The following RORA variants were observed in gnomAD, a reference collection of about 807,000 sequenced individuals.
RORA encodes the protein nuclear receptor ROR-alpha.
RORA carries 7 observed loss-of-function variants against 69.5 expected under a neutral mutation model. The ratio of observed to expected loss-of-function variants is 0.10; its 90% CI spans 0.06 to 0.19. The LOEUF is 0.19. Ranked by LOEUF, RORA falls within the 10% of genes least tolerant of loss-of-function variation. RORA has a pLI of 1.00. For missense variants in RORA, 457 were observed against 663.0 expected (o/e 0.69, Z 3.41); for synonymous variants, 261 against 240.8 (o/e 1.08, Z -0.78).
intron 2 of RORA, among the ~76,000 whole-genome samples, chr15:60,540,574 C>CCCCACCCCG (rs1555428642): frequency 9.7e-6 from 1 of 102,646 alleles, no homozygotes. Context: ...ACCCCCCCCC[C>CCCCACCCCG]CCAAAACTGT....
At chr15:60,514,248 T>C (rs2065792312) in intron 4 of RORA, among the ~76,000 whole-genome samples, 1 of 152,214 alleles carries the variant, frequency 6.6e-6, no homozygotes, top group African/African-American at 2.4e-5. Flanking sequence ...GTGGTTCACA[T>C]TTCCTGCAGG....
intron 1 of RORA, among the ~76,000 whole-genome samples, chr15:61,082,173 A>C (rs536316852): frequency 1.2e-4 from 19 of 152,170 alleles, no homozygotes; most frequent in Non-Finnish European, 1.5e-4. Flanking sequence ...TACACACGGC[A>C]GTCAACCAAA....
intron 1 of RORA, among the ~76,000 whole-genome samples, chr15:60,714,781 G>A (rs1159079350): frequency 1.3e-5 from 2 of 152,160 alleles, no homozygotes; most frequent in South Asian, 2.1e-4. Flanking sequence ...CTGATGTGAT[G>A]TGTGACCATC....
At chr15:60,585,627 G>A (rs2068312678) in intron 2 of RORA, among the ~76,000 whole-genome samples, 1 of 152,142 alleles carries the variant, frequency 6.6e-6, no homozygotes, top group African/African-American at 2.4e-5. Flanking sequence ...TTAGAATGGA[G>A]TTTGAAACTT....
rs5813042 is a variant in RORA, at chr15:60,838,893, CTTT to C, written c.167-160210_167-160208del. The stretch of plus-strand genomic sequence containing the variant: ...ACACACACACACACACACACATATA[CTTT>C]TTTTTTTTTTCAGAGGGTGTCTCAC... On this transcript the variant is annotated intron_variant, in intron 1 of 10. Coordinates refer to ENST00000335670, the MANE Select transcript of RORA (RefSeq NM_134261.3). Among the ~76,000 whole-genome samples the C allele has an allele frequency of 4.7e-3, 659 of 139,386 alleles. 5 individuals carry two copies. Among genetic ancestry groups the C allele is most frequent in the African/African-American group, 0.018 (637 of 36,104 alleles). 91.4% of individuals were successfully genotyped at this position (139,386 alleles called of 152,430 possible). A position where few individuals can be genotyped will look rare whatever the true frequency, so the allele number is the denominator to read the frequency against.
chr15:60,822,794 CAGGCATCAGTATTTCGTTTAA>C (rs1036617475), intron 1 of RORA, among the ~76,000 whole-genome samples: 1 of 152,138 alleles, frequency 6.6e-6, no homozygotes, highest in African/African-American at 2.4e-5. Flanking sequence ...GGAGTGGGGC[CAGGCATCAGTATTTCGTTTAA>C]AGGCACCACC....
chr15:60,843,817 G>C (rs1028400401), intron 1 of RORA, among the ~76,000 whole-genome samples: 4 of 152,074 alleles, frequency 2.6e-5, no homozygotes, highest in African/African-American at 9.7e-5. Context: ...GCTTTTCCTG[G>C]GTCTCTGGTG....
intron 1 of RORA, among the ~76,000 whole-genome samples, chr15:60,831,862 GGTTGCCCC>G (rs2073046982): frequency 6.6e-6 from 1 of 152,180 alleles, no homozygotes; most frequent in African/African-American, 2.4e-5. Context: ...TAAGGTTCAA[GGTTGCCCC>G]TATAAAACAT....
Position 61,084,079 on chromosome 15 carries a change from A to G in RORA, c.166+144974T>C, listed in dbSNP as rs540247499. Among the ~76,000 whole-genome samples the G allele has an allele frequency of 1.6e-3, 249 of 152,310 alleles. 2 individuals carry two copies. Among genetic ancestry groups the G allele is most frequent in the Non-Finnish European group, 1.1e-3 (73 of 68,038 alleles). Reference sequence around the variant, plus strand: ...CAGGTAACGTGAAGTGAGAGACATAAGAATATTGAAGGGAGCTCTCTCACC... The same window carrying G: ...CAGGTAACGTGAAGTGAGAGACATAGGAATATTGAAGGGAGCTCTCTCACC... On this transcript the variant is annotated intron_variant, in intron 1 of 10. Coordinates refer to ENST00000335670, the MANE Select transcript of RORA (RefSeq NM_134261.3).
At chr15:60,929,801 C>T (rs974690416) in intron 1 of RORA, among the ~76,000 whole-genome samples, 1 of 152,190 alleles carries the variant, frequency 6.6e-6, no homozygotes, top group African/African-American at 2.4e-5. Context: ...TGCTAAAATA[C>T]TGATTCCCAG....
chr15:61,141,542 A>G (rs1393411120), intron 1 of RORA, among the ~76,000 whole-genome samples: 2 of 152,226 alleles, frequency 1.3e-5, no homozygotes, highest in Non-Finnish European at 2.9e-5. Flanking sequence ...TTTTTAAAAA[A>G]ATTTTAGAAA....
At chr15:60,912,317 GA>G (rs909840730) in intron 1 of RORA, among the ~76,000 whole-genome samples, 1 of 152,134 alleles carries the variant, frequency 6.6e-6, no homozygotes, top group Non-Finnish European at 1.5e-5. Flanking sequence ...AGCTACTTGG[GA>G]GGCTGAGATG....
chr15:60,660,763 AC>A (rs2070291726), intron 2 of RORA, among the ~76,000 whole-genome samples: 1 of 148,818 alleles, frequency 6.7e-6, no homozygotes, highest in Admixed American at 6.7e-5. Context: ...GAAAAAAAAA[AC>A]TATTTAGAAA....
chr15:60,928,536 A>G (rs940417336), intron 1 of RORA, among the ~76,000 whole-genome samples: 5 of 152,204 alleles, frequency 3.3e-5, no homozygotes, highest in African/African-American at 1.2e-4. Flanking sequence ...ACTAAGTAAT[A>G]ATCAGAAGTG....
Position 60,492,551 on chromosome 15 carries a change from TAGGC to T in RORA, c.*4900_*4903del, listed in dbSNP as rs1192247223. The T allele has an allele frequency of 3.9e-5, 6 of 152,292 alleles. No homozygotes were observed. The highest frequency in any genetic ancestry group is 1.9e-4 in the East Asian group (1 of 5,192). 9.4% of individuals were successfully genotyped at this position (152,292 alleles called of 1,614,324 possible). On this transcript the variant is annotated 3_prime_UTR_variant, in exon 11 of 11. Coordinates refer to ENST00000335670, the MANE Select transcript of RORA (RefSeq NM_134261.3). ...TCTTTTACCTATATCACTGTACTGA[TAGGC>T]AGGTCTCTCCTCTTATTACTGGATT...
intron 1 of RORA, among the ~76,000 whole-genome samples, chr15:61,135,588 A>AC (rs953381862): frequency 2.7e-5 from 4 of 150,748 alleles, no homozygotes; most frequent in African/African-American, 7.3e-5. Flanking sequence ...CAAAAAAAAA[A>AC]AAAAAAAAAA....
chr15:61,085,457 T>G (rs934036297), intron 1 of RORA, among the ~76,000 whole-genome samples: 1 of 152,254 alleles, frequency 6.6e-6, no homozygotes, highest in Non-Finnish European at 1.5e-5. Flanking sequence ...CATTTCACTA[T>G]GCACAGTCAT....
At chr15:60,962,148 A>T (rs1893431854) in intron 1 of RORA, among the ~76,000 whole-genome samples, 1 of 152,150 alleles carries the variant, frequency 6.6e-6, no homozygotes, top group African/African-American at 2.4e-5. Flanking sequence ...TTCTTCTTCA[A>T]TGCCTTCAAT....
intron 1 of RORA, among the ~76,000 whole-genome samples, chr15:60,801,176 C>A (rs746509724): frequency 3.3e-5 from 5 of 152,198 alleles, no homozygotes; most frequent in Non-Finnish European, 7.3e-5. Context: ...AATCACCTCA[C>A]CACTAGGTAA....
Sources: gnomAD v4.1 joint callset for allele counts (sites outside exome capture counted in the v4.1 genomes callset) on GRCh38, gnomAD v4.1.1 for gene constraint, MANE v1.5 for transcripts, NCBI Gene and HGNC (gene_info 2026-07-23, HGNC 2026-07-21) for gene names.